NEK11: variants seen among roughly 807,000 people sequenced by gnomAD.
NEK11 encodes NIMA related kinase 11.
NEK11 carries 72 observed loss-of-function variants against 80.7 expected under a neutral mutation model. The observed-to-expected ratio is 0.89, with a 90% CI of 0.74 to 1.08. NEK11 has a LOEUF of 1.08. Ranked by LOEUF, NEK11 falls within the 50% of genes least tolerant of loss-of-function variation. NEK11 has a pLI of 0.00. For missense variants in NEK11, 764 were observed against 763.6 expected, an observed-to-expected ratio of 1.00 and a Z score of -0.01; for synonymous variants, 251 against 260.7, an observed-to-expected ratio of 0.96 and a Z score of 0.36.
intron 5 of NEK11, among the ~76,000 whole-genome samples, chr3:131,112,722 G>A (rs942294483): frequency 3.9e-5 from 6 of 152,144 alleles, no homozygotes; most frequent in Non-Finnish European, 7.4e-5. Context: ...TTTCAAGTAT[G>A]ATGAAAAATG....
At chr3:131,339,652 T>G (rs1211640802) in intron 17 of NEK11, among the ~76,000 whole-genome samples, 2 of 152,190 alleles carry the variant, frequency 1.3e-5, no homozygotes. Flanking sequence ...TCTGAGCTTC[T>G]GGAAACTCAC....
intron 17 of NEK11, among the ~76,000 whole-genome samples, chr3:131,305,540 C>G (rs1344451112): frequency 6.6e-6 from 1 of 152,226 alleles, no homozygotes; most frequent in East Asian, 1.9e-4. Context: ...CCTAAAGGAG[C>G]ATGGTGAGCC....
chr3:131,142,229 C>A (rs1381980351), intron 7 of NEK11, among the ~76,000 whole-genome samples: 1 of 152,198 alleles, frequency 6.6e-6, no homozygotes, highest in Non-Finnish European at 1.5e-5. Context: ...TGAAGCAAGT[C>A]CTATGCCAAT....
chr3:131,245,073 A>G (rs1467617802), intron 16 of NEK11, among the ~76,000 whole-genome samples: 1 of 152,000 alleles, frequency 6.6e-6, no homozygotes, highest in East Asian at 1.9e-4. Flanking sequence ...TAATTTTTTT[A>G]TCACTCACCT....
chr3:131,318,631 G>C (rs1035684593), intron 17 of NEK11, among the ~76,000 whole-genome samples: 11 of 151,958 alleles, frequency 7.2e-5, no homozygotes, highest in Admixed American at 3.3e-4. Context: ...ACACGCTTGT[G>C]TGGTGAGCTC....
At chr3:131,121,227 T>A (rs1197657399) in intron 5 of NEK11, among the ~76,000 whole-genome samples, 12 of 152,230 alleles carry the variant, frequency 7.9e-5, no homozygotes, top group African/African-American at 2.9e-4. Context: ...CAGCTGCAGG[T>A]CTGCTGGAGT....
intron 3 of NEK11, among the ~76,000 whole-genome samples, chr3:131,058,614 A>G (rs1410280717): frequency 1.3e-5 from 2 of 152,202 alleles, no homozygotes; most frequent in African/African-American, 4.8e-5. Context: ...CCATTGACTT[A>G]TCTTCATCTC....
intron 5 of NEK11, among the ~76,000 whole-genome samples, chr3:131,116,699 T>C (rs1340055764): frequency 6.6e-6 from 1 of 152,170 alleles, no homozygotes; most frequent in Non-Finnish European, 1.5e-5. Flanking sequence ...CTCATTGTGG[T>C]TTTGATTTGC....
intron 14 of NEK11, among the ~76,000 whole-genome samples, chr3:131,185,189 G>A (rs561680450): frequency 5.0e-4 from 76 of 152,250 alleles, no homozygotes; most frequent in African/African-American, 1.8e-3. Flanking sequence ...GGGCCATTAC[G>A]TGAAAATATT....
intron 4 of NEK11, among the ~76,000 whole-genome samples, chr3:131,094,995 C>T (rs1212984716): frequency 2.0e-5 from 3 of 152,242 alleles, no homozygotes; most frequent in East Asian, 1.9e-4. Context: ...TCCAAGCCCT[C>T]CATTAGCCCA....
intron 5 of NEK11, among the ~76,000 whole-genome samples, chr3:131,128,987 T>A (rs951743076): frequency 1.3e-5 from 2 of 152,186 alleles, no homozygotes; most frequent in African/African-American, 4.8e-5. Context: ...TTTGGCCCAT[T>A]TTAAAACCAG....
At chr3:131,180,661 A>C (rs945967024) in intron 14 of NEK11, among the ~76,000 whole-genome samples, 1 of 152,198 alleles carries the variant, frequency 6.6e-6, no homozygotes, top group African/African-American at 2.4e-5. Context: ...ACAATTGAGA[A>C]ATATCATATT....
At chr3:131,205,212 G>A (rs1178105154) in intron 14 of NEK11, among the ~76,000 whole-genome samples, 4 of 152,204 alleles carry the variant, frequency 2.6e-5, no homozygotes, top group South Asian at 2.1e-4. Context: ...AAATGGATAG[G>A]GCTAGATCAA....
In NEK11 at chr3:131,228,475, C is replaced by T. The variant is rs1365919612; in HGVS notation, c.1400-53C>T. Reference sequence around the variant, plus strand: ...CTGTGAAAAGATACAGTATTCTTACCTCATTATAATTTTAATAACTGGTAG... The same window carrying T: ...CTGTGAAAAGATACAGTATTCTTACTTCATTATAATTTTAATAACTGGTAG... On this transcript the variant is annotated intron_variant, in intron 14 of 17. Transcript: ENST00000383366. 4.1e-6 allele frequency: 6 copies of T among 1,472,112 alleles called. No homozygotes were observed. In the East Asian group the frequency reaches 9.1e-5, roughly 22 times the overall value. 91.2% of individuals were successfully genotyped at this position (1,472,112 alleles called of 1,614,324 possible). A position where few individuals can be genotyped will look rare whatever the true frequency, so the allele number is the denominator to read the frequency against.
intron 10 of NEK11, among the ~76,000 whole-genome samples, chr3:131,156,936 T>A (rs1241907939): frequency 6.7e-6 from 1 of 149,672 alleles, no homozygotes; most frequent in Non-Finnish European, 1.5e-5. Flanking sequence ...GAAGAGGCTG[T>A]GAGCATTCCA....
chr3:131,149,870 C>T (rs2089275012), intron 7 of NEK11, among the ~76,000 whole-genome samples: 1 of 151,418 alleles, frequency 6.6e-6, no homozygotes, highest in Non-Finnish European at 1.5e-5. Context: ...AATTTATTTC[C>T]TTAAACTTTC....
At chr3:131,254,375 A>G (rs2095764921) in intron 16 of NEK11, among the ~76,000 whole-genome samples, 1 of 152,198 alleles carries the variant, frequency 6.6e-6, no homozygotes, top group South Asian at 2.1e-4. Context: ...TTAAGTCATC[A>G]CCACACTTAA....
chr3:131,294,944 A>G lies in NEK11; in HGVS notation c.1718+21370A>G, dbSNP rs1196017230. ...CACATGGTATCTTGTTCTCCAACCA[A>G]TTGCTTTTAATTGTGTCTTTATATT... On this transcript the variant is annotated intron_variant, in intron 17 of 17. Transcript: ENST00000383366. Among the ~76,000 whole-genome samples the G allele has an allele frequency of 2.0e-5, 3 of 152,032 alleles. No homozygotes were observed. In the East Asian group the frequency reaches 5.8e-4, roughly 29 times the overall value.
intron 5 of NEK11, among the ~76,000 whole-genome samples, chr3:131,129,008 T>A (rs2083880927): frequency 6.6e-6 from 1 of 152,106 alleles, no homozygotes; most frequent in Non-Finnish European, 1.5e-5. Flanking sequence ...ATTATTTTCT[T>A]ATTGTTGAGT....
Sources: allele counts gnomAD v4.1 joint callset (sites outside exome capture counted in the v4.1 genomes callset), GRCh38; gene constraint gnomAD v4.1.1; transcripts MANE v1.5; gene names NCBI Gene and HGNC (gene_info 2026-07-23, HGNC 2026-07-21).